Variants in PRR16 observed in about 807,000 individuals in gnomAD.
PRR16 encodes the protein protein Largen.
PRR16 carries 6 observed loss-of-function variants against 18.2 expected under a neutral mutation model. That is an observed-to-expected ratio of 0.33 (90% CI 0.18 to 0.65). PRR16 has a LOEUF of 0.65. Among genes scored for constraint, PRR16 ranks in the 30% least tolerant of loss-of-function variants. The pLI is 0.74. For missense variants in PRR16, 412 were observed against 376.6 expected (o/e 1.09, Z -0.78); for synonymous variants, 151 against 147.8 (o/e 1.02, Z -0.16).
At chr5:120,588,542 A>G (rs567484800) in intron 1 of PRR16, among the ~76,000 whole-genome samples, 1 of 152,324 alleles carries the variant, frequency 6.6e-6, no homozygotes, top group Admixed American at 6.5e-5. Flanking sequence ...ATGACCATTA[A>G]CATTTTTAGA....
chr5:120,729,519 T>C, the PRR16 span, among the ~76,000 whole-genome samples: 1 of 152,170 alleles, frequency 6.6e-6, no homozygotes. Flanking sequence ...AAATGATGAT[T>C]GAGCAGTCCT....
chr5:120,527,752 C>A (rs1397479044), intron 1 of PRR16, among the ~76,000 whole-genome samples: 28 of 152,164 alleles, frequency 1.8e-4, no homozygotes, highest in Non-Finnish European at 4.4e-5. Flanking sequence ...TGACAAATGC[C>A]TTCCTATTTG....
intron 1 of PRR16, among the ~76,000 whole-genome samples, chr5:120,552,369 C>T (rs537761677): frequency 1.3e-5 from 2 of 151,776 alleles, no homozygotes; most frequent in African/African-American, 2.4e-5. Flanking sequence ...AATAGAGTAA[C>T]TATAAATGGA....
At chr5:120,671,349 T>C (rs1351438998) in intron 1 of PRR16, among the ~76,000 whole-genome samples, 8 of 152,172 alleles carry the variant, frequency 5.3e-5, no homozygotes, top group Admixed American at 1.3e-4. Flanking sequence ...CTCAGTTTTA[T>C]CATCTCAAGC....
chr5:120,678,685 C>G (rs1449161), intron 1 of PRR16, among the ~76,000 whole-genome samples: 144,472 of 152,264 alleles, frequency 0.95, 68,911 homozygotes, highest in East Asian at 1. Flanking sequence ...ATAGTGTTTT[C>G]GTGGAGTTTC....
the PRR16 span, among the ~76,000 whole-genome samples, chr5:120,733,698 C>T: frequency 1.3e-5 from 2 of 152,142 alleles, no homozygotes; most frequent in Non-Finnish European, 2.9e-5. Flanking sequence ...GTAATTAATA[C>T]AGAACCTTTA....
the PRR16 span, among the ~76,000 whole-genome samples, chr5:120,758,692 C>T: frequency 1.3e-5 from 2 of 152,028 alleles, no homozygotes; most frequent in African/African-American, 4.8e-5. Context: ...GCCTTGCTTC[C>T]CCTTGGCCTC....
the PRR16 span, among the ~76,000 whole-genome samples, chr5:120,692,541 A>G: frequency 1.3e-5 from 2 of 152,196 alleles, no homozygotes; most frequent in African/African-American, 2.4e-5. Context: ...GGCCAAAACT[A>G]GTCACATGGT....
the PRR16 span, among the ~76,000 whole-genome samples, chr5:120,753,880 A>T: frequency 1.9e-5 from 2 of 105,488 alleles, no homozygotes. Flanking sequence ...TTATATATTT[A>T]TATATTATAT....
chr5:120,645,191 T>C lies in PRR16; in HGVS notation c.160-40763T>C, dbSNP rs916752921. ...ACCAGTAAAGATTAGAAAAATTGAGTAAATACTTTCTTCTTTGTCTATGTC... is the reference window on the plus strand; with the variant it reads ...ACCAGTAAAGATTAGAAAAATTGAGCAAATACTTTCTTCTTTGTCTATGTC... On this transcript the variant is annotated intron_variant, in intron 1 of 1. Transcript: ENST00000407149. Among the ~76,000 whole-genome samples the C allele has an allele frequency of 2.0e-5, 3 of 152,194 alleles. No individual in the cohort carries two copies. In the East Asian group the frequency reaches 5.8e-4, roughly 30 times the overall value.
chr5:120,574,189 T>C (rs1391196418), intron 1 of PRR16, among the ~76,000 whole-genome samples: 1 of 152,092 alleles, frequency 6.6e-6, no homozygotes. Context: ...GGGAAAGAAA[T>C]TTGTAATATC....
the PRR16 span, among the ~76,000 whole-genome samples, chr5:120,754,628 T>C: frequency 8.6e-6 from 1 of 115,806 alleles, no homozygotes; most frequent in Non-Finnish European, 1.7e-5. Flanking sequence ...TATATTTATA[T>C]ATAATATATA....
At chr5:120,621,307 G>T (rs1287587340) in intron 1 of PRR16, among the ~76,000 whole-genome samples, 1 of 151,836 alleles carries the variant, frequency 6.6e-6, no homozygotes, top group East Asian at 1.9e-4. Flanking sequence ...ATTGCCACCT[G>T]GGCTTCTTCC....
chr5:120,635,699 G>GGA (rs899268164), intron 1 of PRR16, among the ~76,000 whole-genome samples: 5 of 152,030 alleles, frequency 3.3e-5, no homozygotes, highest in Admixed American at 2.0e-4. Flanking sequence ...TTTCTGCTGA[G>GGA]GACTGGAACA....
chr5:120,670,142 A>G (rs1041376483), intron 1 of PRR16, among the ~76,000 whole-genome samples: 5 of 152,146 alleles, frequency 3.3e-5, no homozygotes, highest in Admixed American at 6.6e-5. Context: ...TACAGTTTTC[A>G]TATGTTCATT....
the PRR16 span, among the ~76,000 whole-genome samples, chr5:120,755,581 C>G: frequency 1.3e-5 from 2 of 152,064 alleles, no homozygotes; most frequent in African/African-American, 2.4e-5. Context: ...TTTATGGCTG[C>G]ATAGTATTCT....
At chr5:120,680,250 G>A (rs1756929726) in intron 1 of PRR16, among the ~76,000 whole-genome samples, 1 of 151,986 alleles carries the variant, frequency 6.6e-6, no homozygotes, top group South Asian at 2.1e-4. Context: ...AATTTGATGT[G>A]TATTATTTAT....
At chr5:120,645,047 G>A (rs1755542560) in intron 1 of PRR16, among the ~76,000 whole-genome samples, 1 of 151,998 alleles carries the variant, frequency 6.6e-6, no homozygotes, top group Non-Finnish European at 1.5e-5. Context: ...ATCTCTGGAG[G>A]TCAGTTATTT....
the PRR16 span, among the ~76,000 whole-genome samples, chr5:120,792,418 C>A: frequency 6.6e-6 from 1 of 152,172 alleles, no homozygotes; most frequent in Non-Finnish European, 1.5e-5. Flanking sequence ...ACTTGTCCAT[C>A]ACTGTTTCTT....
Sources: allele counts gnomAD v4.1 joint callset (sites outside exome capture counted in the v4.1 genomes callset), GRCh38; gene constraint gnomAD v4.1.1; transcripts MANE v1.5; gene names NCBI Gene and HGNC (gene_info 2026-07-23, HGNC 2026-07-21).